The following PRELID2 variants were observed in gnomAD, a reference collection of about 807,000 sequenced individuals.
The protein encoded by PRELID2 is PRELI domain containing 2.
PRELID2 carries 25 observed loss-of-function variants against 28.4 expected under a neutral mutation model. The observed-to-expected ratio is 0.88, with a 90% confidence interval of 0.64 to 1.23. The LOEUF is 1.23. PRELID2 is among the 50% of genes most tolerant of loss of function. The probability of loss-of-function intolerance (pLI) is 0.00; values close to 1 mark genes in which losing one functional copy is unlikely to be tolerated. For synonymous variants in PRELID2, 76 were observed against 71.6 expected, an observed-to-expected ratio of 1.06 and a Z score of -0.31; for missense variants, 201 against 214.4, an observed-to-expected ratio of 0.94 and a Z score of 0.39.
intron 1 of PRELID2, among the ~76,000 whole-genome samples, chr5:145,711,162 T>G (rs1347124): frequency 1.3e-4 from 20 of 152,180 alleles, no homozygotes; most frequent in South Asian, 1.0e-3. Flanking sequence ...ACAATTTAAC[T>G]GAACAAAAAT....
At chr5:145,460,355 A>G in the PRELID2 span, among the ~76,000 whole-genome samples, 1 of 152,222 alleles carries the variant, frequency 6.6e-6, no homozygotes, top group Non-Finnish European at 1.5e-5. Flanking sequence ...TAGAACATGT[A>G]TTTTTAGTGG....
chr5:145,437,460 G>T, the PRELID2 span, among the ~76,000 whole-genome samples: 2 of 152,174 alleles, frequency 1.3e-5, no homozygotes, highest in African/African-American at 4.8e-5. Flanking sequence ...TTCAAAGTCA[G>T]CCAGAAAGCA....
At chr5:145,238,693 T>C in the PRELID2 span, among the ~76,000 whole-genome samples, 18 of 152,040 alleles carry the variant, frequency 1.2e-4, no homozygotes, top group Non-Finnish European at 8.8e-5. Flanking sequence ...TATTCCCACC[T>C]TGTGAAAGGT....
At chr5:145,790,722 TA>T (rs1752322712) in intron 5 of PRELID2, among the ~76,000 whole-genome samples, 1 of 5,172 alleles carries the variant, frequency 1.9e-4, no homozygotes, top group African/African-American at 2.8e-4. Context: ...TGTGTGTGTG[TA>T]TATATATATA....
intron 1 of PRELID2, among the ~76,000 whole-genome samples, chr5:145,557,690 G>A (rs1450278325): frequency 1.3e-5 from 2 of 152,160 alleles, no homozygotes; most frequent in Non-Finnish European, 2.9e-5. Context: ...AATGCTTGAA[G>A]GCACTATTTC....
chr5:145,370,883 G>A, the PRELID2 span, among the ~76,000 whole-genome samples: 10,070 of 152,048 alleles, frequency 0.066, 406 homozygotes, highest in Non-Finnish European at 0.097. Context: ...TAGCAATTGC[G>A]AATGGGAATT....
At chr5:145,297,461 C>T in the PRELID2 span, among the ~76,000 whole-genome samples, 1,994 of 151,454 alleles carry the variant, frequency 0.013, 40 homozygotes, top group East Asian at 0.051. Context: ...ATTGATGGGA[C>T]GTATCTCAAA....
intron 4 of PRELID2, among the ~76,000 whole-genome samples, chr5:145,801,161 A>G (rs544831456): frequency 1.3e-5 from 2 of 152,318 alleles, no homozygotes; most frequent in Admixed American, 1.3e-4. Context: ...ATCACCAAAA[A>G]GTCTATTGAG....
At chr5:145,740,571 AAT>A (rs1233268364) in intron 1 of PRELID2, among the ~76,000 whole-genome samples, 8 of 29,956 alleles carry the variant, frequency 2.7e-4, no homozygotes, top group Non-Finnish European at 6.3e-4. Flanking sequence ...GTACCCATGA[AAT>A]ATATATATTA....
intron 1 of PRELID2, among the ~76,000 whole-genome samples, chr5:145,543,645 G>A (rs1017242965): frequency 6.6e-5 from 10 of 152,046 alleles, no homozygotes; most frequent in African/African-American, 2.4e-4. Context: ...CCAATTTAGA[G>A]TGCCAATGGC....
chr5:145,632,632 G>C (rs556099467), intron 1 of PRELID2, among the ~76,000 whole-genome samples: 54 of 152,286 alleles, frequency 3.5e-4, no homozygotes, highest in African/African-American at 1.3e-3. Flanking sequence ...CCTGTAGAAA[G>C]AATCTGGTAA....
chr5:145,580,169 T>C, intron 1 of PRELID2, among the ~76,000 whole-genome samples: 1 of 152,068 alleles, frequency 6.6e-6, no homozygotes, highest in Non-Finnish European at 1.5e-5. Flanking sequence ...TTGCCTTAAC[T>C]AATATAGGTG....
intron 1 of PRELID2, among the ~76,000 whole-genome samples, chr5:145,520,647 C>T (rs1259582358): frequency 2.0e-5 from 3 of 152,176 alleles, no homozygotes; most frequent in Non-Finnish European, 2.9e-5. Context: ...GTTATACCCT[C>T]CCTTGACATT....
At chr5:145,547,636 C>T (rs1234135541) in intron 1 of PRELID2, among the ~76,000 whole-genome samples, 5 of 151,888 alleles carry the variant, frequency 3.3e-5, no homozygotes, top group African/African-American at 9.7e-5. Flanking sequence ...GATTTTTGTA[C>T]TTATTTGCAA....
chr5:145,532,214 G>A (rs1229644426), intron 1 of PRELID2, among the ~76,000 whole-genome samples: 2 of 152,032 alleles, frequency 1.3e-5, no homozygotes, highest in Non-Finnish European at 2.9e-5. Flanking sequence ...CATTAGGTGT[G>A]TGATTAACTC....
At chr5:145,231,081 G>A in the PRELID2 span, among the ~76,000 whole-genome samples, 1 of 152,128 alleles carries the variant, frequency 6.6e-6, no homozygotes, top group Non-Finnish European at 1.5e-5. Context: ...GGAAATCAGA[G>A]CCCATCTTTC....
chr5:145,735,939 T>G (rs1276792409), intron 1 of PRELID2, among the ~76,000 whole-genome samples: 3 of 152,140 alleles, frequency 2.0e-5, no homozygotes, highest in African/African-American at 7.2e-5. Context: ...CTGAAGTGAG[T>G]AGAATTTTAG....
chr5:145,798,291 T>C (rs539736647), intron 4 of PRELID2, among the ~76,000 whole-genome samples: 3 of 151,284 alleles, frequency 2.0e-5, no homozygotes, highest in African/African-American at 7.3e-5. Context: ...GAGAAGAGAG[T>C]GAGAAAGAAG....
Position 145,791,815 on chromosome 5 carries a change from A to G in PRELID2, c.474+4627T>C, listed in dbSNP as rs996010467. ...AGGTATTTTCAAAGCAAATAACAATACATCTGCAGTACACAGAAAAGCAGA... is the reference window on the plus strand; with the variant it reads ...AGGTATTTTCAAAGCAAATAACAATGCATCTGCAGTACACAGAAAAGCAGA... On this transcript the variant is annotated intron_variant, in intron 5 of 6. Coordinates refer to ENST00000683046, the MANE Select transcript of PRELID2 (RefSeq NM_205846.3). Among the ~76,000 whole-genome samples, 3 of 152,364 alleles carry G rather than the reference A, an allele frequency of 2.0e-5. No homozygotes were observed. The South Asian group carries it at 6.2e-4, about 32-fold the overall frequency.
Sources: gnomAD v4.1 joint callset for allele counts (sites outside exome capture counted in the v4.1 genomes callset) on GRCh38, gnomAD v4.1.1 for gene constraint, MANE v1.5 for transcripts, NCBI Gene and HGNC (gene_info 2026-07-23, HGNC 2026-07-21) for gene names.